The following MAST4 variants were observed in gnomAD, a reference collection of about 807,000 sequenced individuals.
MAST4 encodes the protein microtubule-associated serine/threonine-protein kinase 4.
In MAST4, 89 loss-of-function variants were observed where a neutral mutation model predicts 162.7. The observed-to-expected ratio is 0.55, with a 90% confidence interval of 0.46 to 0.65. The LOEUF is 0.65. Among genes scored for constraint, MAST4 ranks in the 30% least tolerant of loss-of-function variants. The probability of loss-of-function intolerance (pLI) is 0.00; values close to 1 mark genes in which losing one functional copy is unlikely to be tolerated. For missense variants in MAST4, 3,153 were observed against 3,374.0 expected (o/e 0.93, Z 1.62); for synonymous variants, 1,479 against 1,361.1 (o/e 1.09, Z -1.91).
At chr5:66,828,723 A>G (rs921865254) in intron 3 of MAST4, 1 of 1,455,582 alleles carries the variant, frequency 6.9e-7, no homozygotes, top group African/African-American at 1.4e-5. Context: ...TCCGGGCTCC[A>G]ATCAGCTAGA....
chr5:66,827,962 C>T lies in MAST4; in HGVS notation c.642+39168C>T, dbSNP rs146057967. Among the ~76,000 whole-genome samples the T allele has an allele frequency of 8.5e-5, 13 of 152,214 alleles. No individual in the cohort carries two copies. The Middle Eastern group carries it at 0.01, about 119-fold the overall frequency. On this transcript the variant is annotated intron_variant, in intron 3 of 28. Coordinates refer to ENST00000403625, the MANE Select transcript of MAST4 (RefSeq NM_001164664.2). The stretch of plus-strand genomic sequence containing the variant: ...TCAATTGAGATAAGATGAGGATGAA[C>T]GGAGTAAACAAGCTGAGACAGACTG...
At chr5:66,598,463 A>G (rs776212461) in intron 1 of MAST4, among the ~76,000 whole-genome samples, 1 of 152,294 alleles carries the variant, frequency 6.6e-6, no homozygotes, top group African/African-American at 2.4e-5. Context: ...CTCCAAATCG[A>G]TCCTAGCGGC....
chr5:66,641,246 G>C (rs189190698), intron 1 of MAST4, among the ~76,000 whole-genome samples: 9 of 152,156 alleles, frequency 5.9e-5, no homozygotes, highest in African/African-American at 2.2e-4. Context: ...TTGCCTCATG[G>C]GTACAAGCAA....
intron 4 of MAST4, among the ~76,000 whole-genome samples, chr5:66,926,702 G>A (rs1276546458): frequency 2.6e-5 from 4 of 151,466 alleles, no homozygotes; most frequent in African/African-American, 9.7e-5. Context: ...TTGTTCCTAT[G>A]GCTTGAATAC....
intron 4 of MAST4, among the ~76,000 whole-genome samples, chr5:67,053,872 T>G (rs1370973149): frequency 6.6e-6 from 1 of 152,150 alleles, no homozygotes; most frequent in Non-Finnish European, 1.5e-5. Flanking sequence ...AATAAAGAAT[T>G]GAATGCCATA....
chr5:66,709,232 T>C (rs751097973), intron 1 of MAST4, among the ~76,000 whole-genome samples: 6 of 150,656 alleles, frequency 4.0e-5, no homozygotes, highest in Non-Finnish European at 5.9e-5. Flanking sequence ...TGTTTGAAAT[T>C]AAAAAAAAAA....
Position 66,596,694 on chromosome 5 carries a change from C to T in MAST4, c.39C>T (p.Pro13=). The change falls in exon 1 of 29, where the codon CCC becomes CCT. Residue 13 remains proline (P), a synonymous_variant. Transcript: ENST00000403625. ...EKVSEAPEPV[P]RGCSGHGSRT... is the part of the protein sequence containing the mutation. ...TTTCGGAGGCGCCAGAGCCGGTGCC[C>T]CGCGGCTGCAGTGGCCACGGCAGCC... 2 of 1,472,868 alleles carry T rather than the reference C, an allele frequency of 1.4e-6. No homozygotes were observed. The highest frequency in any genetic ancestry group is 1.8e-6 in the Non-Finnish European group (2 of 1,113,708). 91.2% of individuals were successfully genotyped at this position (1,472,868 alleles called of 1,614,324 possible).
In MAST4 at chr5:66,896,334, C is replaced by T. The variant is rs575952633; in HGVS notation, c.643-3617C>T. On this transcript the variant is annotated intron_variant, in intron 3 of 28. Transcript: ENST00000403625. ...ATCATATCAGAGGATAGCAGCATGA[C>T]GTTAGCGTGACTTACCACTGATGAT... Among the ~76,000 whole-genome samples, 31 of 152,282 alleles carry T rather than the reference C, an allele frequency of 2.0e-4. No individual in the cohort carries two copies. The South Asian group carries it at 3.7e-3, about 18-fold the overall frequency.
Position 66,802,212 on chromosome 5 carries a change from C to G in MAST4, c.642+13418C>G, listed in dbSNP as rs185731176. Among the ~76,000 whole-genome samples, 4 of 152,108 alleles carry G rather than the reference C, an allele frequency of 2.6e-5. No homozygotes were observed. In the East Asian group the frequency reaches 5.8e-4, roughly 22 times the overall value. On this transcript the variant is annotated intron_variant, in intron 3 of 28. Coordinates refer to ENST00000403625, the MANE Select transcript of MAST4 (RefSeq NM_001164664.2). ...TGCAATTTAGATTTTAATTTGATTTCTATTCTTTCAAATATCATTTTTCTT... is the reference window on the plus strand; with the variant it reads ...TGCAATTTAGATTTTAATTTGATTTGTATTCTTTCAAATATCATTTTTCTT...
chr5:66,864,998 C>T (rs1760400893), intron 3 of MAST4, among the ~76,000 whole-genome samples: 1 of 151,920 alleles, frequency 6.6e-6, no homozygotes, highest in South Asian at 2.1e-4. Flanking sequence ...AGACATGGGG[C>T]AGTGCTAGTT....
At chr5:67,068,918 C>T (rs540490581) in intron 5 of MAST4, among the ~76,000 whole-genome samples, 76 of 152,060 alleles carry the variant, frequency 5.0e-4, no homozygotes, top group Middle Eastern at 3.4e-3. Flanking sequence ...CTGAGAAACA[C>T]GTGGGCTGAG....
chr5:66,963,698 A>G, intron 4 of MAST4: 1 of 779,786 alleles, frequency 1.3e-6, no homozygotes, highest in Non-Finnish European at 2.4e-6. Context: ...ACGTTATTTT[A>G]ACTTTCAGTC....
chr5:66,954,858 G>A (rs57129521), intron 4 of MAST4, among the ~76,000 whole-genome samples: 9,554 of 150,764 alleles, frequency 0.063, 968 homozygotes, highest in African/African-American at 0.22. Flanking sequence ...CCGAGATCAC[G>A]CTACTGCACT....
Position 66,917,213 on chromosome 5 carries a change from T to G in MAST4, c.674+17231T>G, listed in dbSNP as rs544877325. 3 of 528,614 alleles carry G rather than the reference T, an allele frequency of 5.7e-6. No individual in the cohort carries two copies. The East Asian group carries it at 8.7e-5, about 15-fold the overall frequency. 32.7% of individuals were successfully genotyped at this position (528,614 alleles called of 1,614,324 possible). ...CACTACCACTGATGTTGAGTATATT[T>G]TCATATGTTTACTCTTCATTTACAT... On this transcript the variant is annotated intron_variant, in intron 4 of 28. Coordinates refer to ENST00000403625, the MANE Select transcript of MAST4 (RefSeq NM_001164664.2).
intron 3 of MAST4, among the ~76,000 whole-genome samples, chr5:66,840,788 G>A (rs1012144951): frequency 3.3e-5 from 5 of 152,236 alleles, no homozygotes; most frequent in African/African-American, 1.2e-4. Flanking sequence ...CTGTGGAGCT[G>A]ACCTACGTGA....
Position 67,144,784 on chromosome 5 carries a change from A to G in MAST4, c.2846A>G (p.Glu949Gly). The G allele has an allele frequency of 6.2e-7, 1 of 1,606,914 alleles. No homozygotes were observed. Among genetic ancestry groups the G allele is most frequent in the Admixed American group, 1.7e-5 (1 of 58,648 alleles). Reference protein sequence around the residue: ...PSTETLSWSSEYSEMQQLSTS... With the variant: ...PSTETLSWSSGYSEMQQLSTS... ...ACAGAAACACTGAGCTGGAGTTCAG[A>G]ATATTCTGAAATGTATGTGAAATGC... The change falls in exon 22 of 29, where the codon GAA (glutamate) becomes GGA (glycine). Residue 949 changes from glutamate to glycine, a missense_variant. This residue lies in a region of MAST4 where 619 missense variants were observed against 744.2 expected (regional missense o/e 0.83). Transcript: ENST00000403625.
At chr5:66,873,851 G>A (rs1439179177) in intron 3 of MAST4, among the ~76,000 whole-genome samples, 2 of 152,092 alleles carry the variant, frequency 1.3e-5, no homozygotes, top group East Asian at 3.9e-4. Flanking sequence ...CTTATTCCTT[G>A]CAAAGTATTA....
At chr5:66,651,908 T>C (rs1746246344) in intron 1 of MAST4, among the ~76,000 whole-genome samples, 1 of 152,206 alleles carries the variant, frequency 6.6e-6, no homozygotes, top group African/African-American at 2.4e-5. Flanking sequence ...TGTGGACCTC[T>C]ACATGGAGTG....
chr5:67,135,239 A>T (rs908097031), intron 18 of MAST4, among the ~76,000 whole-genome samples: 69 of 152,220 alleles, frequency 4.5e-4, no homozygotes, highest in African/African-American at 1.6e-3. Context: ...TTATTTCTGT[A>T]ACAGCTGTTC....
Sources: allele counts gnomAD v4.1 joint callset (sites outside exome capture counted in the v4.1 genomes callset), GRCh38; gene constraint gnomAD v4.1.1; regional missense constraint gnomAD v4.1.1; transcripts MANE v1.5; gene names NCBI Gene and HGNC (gene_info 2026-07-23, HGNC 2026-07-21).